PIP4K2B: variants seen among roughly 807,000 people sequenced by gnomAD.
PIP4K2B encodes the protein phosphatidylinositol-5-phosphate 4-kinase type 2 beta.
A neutral mutation model predicts 42.0 loss-of-function variants in PIP4K2B; 3 were observed. That is an observed-to-expected ratio of 0.07 (90% CI 0.03 to 0.18). The LOEUF (loss-of-function observed/expected upper bound fraction) is 0.18, where lower values mean the gene tolerates loss of function less well. Among genes scored for constraint, PIP4K2B ranks in the 10% least tolerant of loss-of-function variants. The pLI is 1.00. For missense variants in PIP4K2B, 332 were observed against 562.3 expected (o/e 0.59, Z 4.14); for synonymous variants, 204 against 210.1 (o/e 0.97, Z 0.25).
chr17:38,799,208 G>C lies in PIP4K2B; in HGVS notation c.159+58C>G. 6.6e-7 allele frequency: 1 copy of C among 1,510,854 alleles called. No homozygotes were observed. Among genetic ancestry groups the C allele is most frequent in the Non-Finnish European group, 8.8e-7 (1 of 1,135,624 alleles). 93.6% of individuals were successfully genotyped at this position (1,510,854 alleles called of 1,614,324 possible). A position where few individuals can be genotyped will look rare whatever the true frequency, so the allele number is the denominator to read the frequency against. On this transcript the variant is annotated intron_variant, in intron 1 of 9. Transcript: ENST00000619039. This position sits in a 1 kb window ranked among gnomAD's most constrained non-coding sequence, Gnocchi z 4.4. ...GCCTGCGGGGCAAGGGCCCAGGGCT[G>C]CAGGGGGCGTGGGAGCGCGCGGGGC...
intron 1 of PIP4K2B, among the ~76,000 whole-genome samples, chr17:38,789,801 T>C (rs1247563223): frequency 6.6e-6 from 1 of 152,084 alleles, no homozygotes; most frequent in African/African-American, 2.4e-5. Flanking sequence ...CAGGGTAGTT[T>C]ATAAGTTGGC....
At chr17:38,772,006 G>A (rs1909072704) in intron 7 of PIP4K2B, among the ~76,000 whole-genome samples, 1 of 152,156 alleles carries the variant, frequency 6.6e-6, no homozygotes, top group African/African-American at 2.4e-5. Flanking sequence ...CTCAAGCCTG[G>A]GGAACAGAGT....
At chr17:38,773,857 CACCT>C (rs1005015566) in intron 7 of PIP4K2B, among the ~76,000 whole-genome samples, 4 of 152,196 alleles carry the variant, frequency 2.6e-5, no homozygotes, top group Admixed American at 6.5e-5. Flanking sequence ...GCCCTCCACC[CACCT>C]GAGAACATTT....
intron 9 of PIP4K2B, among the ~76,000 whole-genome samples, chr17:38,769,991 G>A (rs1255509565): frequency 2.0e-5 from 3 of 152,094 alleles, no homozygotes; most frequent in Admixed American, 2.0e-4. Flanking sequence ...GGCCTGCACC[G>A]AAGTAGAAGA....
rs778758542 is a variant in PIP4K2B, at chr17:38,771,080, G to T, written c.1000C>A (p.Pro334Thr). 3 of 1,614,066 alleles carry T rather than the reference G, an allele frequency of 1.9e-6. No individual in the cohort carries two copies. Among genetic ancestry groups the T allele is most frequent in the Non-Finnish European group, 2.5e-6 (3 of 1,180,038 alleles). Residue 334 changes from proline (P) to threonine (T), a missense_variant, in exon 8 of 10, where the codon CCT becomes ACT. Coordinates refer to ENST00000619039, the MANE Select transcript of PIP4K2B (RefSeq NM_003559.5). ...PDSPGNLLSF[P>T]RFFGPGEFDP... is the part of the protein sequence containing the mutation. ...AATTCCCCAGGACCAAAGAACCGAG[G>T]AAAGCTGAGGAGGTTGCCAGGGCTG...
rs181464607 is a variant in PIP4K2B, at chr17:38,792,013, G to A, written c.160-5093C>T. 4.5e-3 allele frequency among the ~76,000 whole-genome samples: 686 copies of A among 151,842 alleles called. 10 individuals carry two copies. Among genetic ancestry groups the A allele is most frequent in the African/African-American group, 0.015 (623 of 41,444 alleles). On this transcript the variant is annotated intron_variant, in intron 1 of 9. Coordinates refer to ENST00000619039, the MANE Select transcript of PIP4K2B (RefSeq NM_003559.5). ...CGGGAGGCTGAGGCAGGAGAATGGC[G>A]TGAACCCACAAGGCGGAGCTTGCAG... is the stretch of plus-strand genomic sequence containing the variant.
intron 6 of PIP4K2B, 50 bp from the exon 7 acceptor site, chr17:38,777,850 A>G (rs1453261037): frequency 1.5e-6 from 2 of 1,294,216 alleles, no homozygotes; most frequent in South Asian, 2.4e-5. Flanking sequence ...AATTCACCCC[A>G]GGGACACCCA....
Position 38,779,412 on chromosome 17 carries a change from G to C in PIP4K2B, c.625C>G (p.Leu209Val). The change falls in exon 5 of 10, where the codon CTC (leucine) becomes GTC (valine). Residue 209 changes from leucine to valine, a missense_variant. Transcript: ENST00000619039. ...AGGTCATACTTGCGATGCACAGTGA[G>C]CCGATGGCTGAACACGTTCCTGGTA... ...VVTRNVFSHR[L>V]TVHRKYDLKG... The C allele has an allele frequency of 6.2e-7, 1 of 1,613,016 alleles. No homozygotes were observed. Among genetic ancestry groups the C allele is most frequent in the Non-Finnish European group, 8.5e-7 (1 of 1,179,768 alleles).
chr17:38,799,176 C>G lies in PIP4K2B; in HGVS notation c.159+90G>C, dbSNP rs1231614480. The G allele has an allele frequency of 7.4e-7, 1 of 1,358,398 alleles. No individual in the cohort carries two copies. The highest frequency in any genetic ancestry group is 1.5e-5 in the African/African-American group (1 of 65,714). The allele number at this position is 1,358,398 out of a possible 1,614,324, so 84.1% of individuals were successfully genotyped here. ...CTTGGCGAGGGGTGGCAGGCGTCAC[C>G]GGCAGGGCCTGCGGGGCAAGGGCCC... On this transcript the variant is annotated intron_variant, in intron 1 of 9. Transcript: ENST00000619039. The surrounding 1 kb of genome is among the most constrained non-coding windows in gnomAD (Gnocchi z 4.4).
chr17:38,798,178 A>G (rs1910752447), intron 1 of PIP4K2B, among the ~76,000 whole-genome samples: 1 of 152,198 alleles, frequency 6.6e-6, no homozygotes, highest in African/African-American at 2.4e-5. Context: ...AAGTGAACCT[A>G]AAGAACTGAA....
intron 1 of PIP4K2B, among the ~76,000 whole-genome samples, chr17:38,789,545 G>A (rs1910232943): frequency 6.6e-6 from 1 of 152,172 alleles, no homozygotes; most frequent in Non-Finnish European, 1.5e-5. Flanking sequence ...GGCAGTGAGG[G>A]GATAACCTAG....
intron 7 of PIP4K2B, chr17:38,776,552 G>C (rs1315543564): frequency 2.5e-6 from 1 of 395,310 alleles, no homozygotes; most frequent in Admixed American, 3.4e-5. Context: ...CTTGAACCCA[G>C]GAGGCGGAGG....
chr17:38,768,602 G>A lies in PIP4K2B; in HGVS notation c.*1089C>T, dbSNP rs533122951. The A allele has an allele frequency of 7.2e-5, 11 of 152,360 alleles. No individual in the cohort carries two copies. The highest frequency in any genetic ancestry group is 2.4e-4 in the African/African-American group (10 of 41,580). 9.4% of individuals were successfully genotyped at this position (152,360 alleles called of 1,614,324 possible). A position where few individuals can be genotyped will look rare whatever the true frequency, so the allele number is the denominator to read the frequency against. ...CTACAAGGTCATCCCGGAGCTTAAC[G>A]AGGTGTCTCTGCTAAAAAGCACTCC... On this transcript the variant is annotated 3_prime_UTR_variant, in exon 10 of 10. Coordinates refer to ENST00000619039, the MANE Select transcript of PIP4K2B (RefSeq NM_003559.5).
chr17:38,773,083 G>A (rs911333187), intron 7 of PIP4K2B, among the ~76,000 whole-genome samples: 3 of 152,170 alleles, frequency 2.0e-5, no homozygotes, highest in Admixed American at 6.5e-5. Flanking sequence ...GTCCCCTGCT[G>A]ATAAGGGGGG....
chr17:38,797,233 G>A (rs1236345724), intron 1 of PIP4K2B, among the ~76,000 whole-genome samples: 2 of 152,144 alleles, frequency 1.3e-5, no homozygotes, highest in East Asian at 3.8e-4. Context: ...AGGACTCACA[G>A]GACTCCTGAC....
At chr17:38,791,554 C>T (rs899968271) in intron 1 of PIP4K2B, among the ~76,000 whole-genome samples, 10 of 151,020 alleles carry the variant, frequency 6.6e-5, no homozygotes, top group African/African-American at 1.2e-4. Flanking sequence ...GGATTATAGG[C>T]ATGCACCACC....
intron 2 of PIP4K2B, among the ~76,000 whole-genome samples, chr17:38,785,378 T>C (rs946123325): frequency 6.6e-6 from 1 of 152,152 alleles, no homozygotes; most frequent in African/African-American, 2.4e-5. Context: ...ATCTAATAAA[T>C]AGCACATACA....
intron 1 of PIP4K2B, among the ~76,000 whole-genome samples, chr17:38,791,061 C>T (rs1208417424): frequency 6.6e-6 from 1 of 151,904 alleles, no homozygotes; most frequent in Non-Finnish European, 1.5e-5. Context: ...CTTATAATCT[C>T]ATCAGGGAGA....
At chr17:38,790,576 A>G (rs1910291414) in intron 1 of PIP4K2B, among the ~76,000 whole-genome samples, 1 of 152,220 alleles carries the variant, frequency 6.6e-6, no homozygotes. Flanking sequence ...CTCCTGCCTC[A>G]GTCTCCTGAG....
Sources: allele counts gnomAD v4.1 joint callset (sites outside exome capture counted in the v4.1 genomes callset), GRCh38; gene constraint gnomAD v4.1.1; non-coding constraint Gnocchi (gnomAD v3.1); transcripts MANE v1.5; gene names NCBI Gene and HGNC (gene_info 2026-07-23, HGNC 2026-07-21).